The following ANTXR1 variants were observed in gnomAD, a reference collection of about 807,000 sequenced individuals.
ANTXR1 encodes the protein anthrax toxin receptor 1.
Under a neutral mutation model 78.1 loss-of-function variants are expected in ANTXR1, and 19 were observed. That is an observed-to-expected ratio of 0.24 (90% CI 0.17 to 0.36). The LOEUF (loss-of-function observed/expected upper bound fraction) is 0.36. Among genes scored for constraint, ANTXR1 ranks in the 10% least tolerant of loss-of-function variants. ANTXR1 has a pLI of 1.00. For missense variants in ANTXR1, 518 were observed against 718.6 expected (o/e 0.72, Z 3.19); for synonymous variants, 273 against 260.5 (o/e 1.05, Z -0.46).
intron 8 of ANTXR1, among the ~76,000 whole-genome samples, chr2:69,086,040 AAT>A (rs1182599913): frequency 2.6e-5 from 4 of 151,804 alleles, no homozygotes; most frequent in African/African-American, 9.7e-5. Context: ...GACTTTCTGA[AAT>A]ATGTGTGAAA....
At chr2:69,064,901 A>G (rs1346278371) in intron 3 of ANTXR1, among the ~76,000 whole-genome samples, 1 of 152,218 alleles carries the variant, frequency 6.6e-6, no homozygotes, top group Admixed American at 6.5e-5. Context: ...GGGTAAATGT[A>G]TAGCTTTAAG....
intron 17 of ANTXR1, among the ~76,000 whole-genome samples, chr2:69,238,762 T>G (rs528900138): frequency 1.3e-5 from 2 of 152,246 alleles, no homozygotes; most frequent in Non-Finnish European, 2.9e-5. Context: ...AAACTTGGCA[T>G]GTATGTTATA....
intron 13 of ANTXR1, among the ~76,000 whole-genome samples, chr2:69,159,264 C>T (rs1573942243): frequency 6.6e-6 from 1 of 152,050 alleles, no homozygotes; most frequent in African/African-American, 2.4e-5. Context: ...AAGATCTTAG[C>T]ATATTTTGCA....
chr2:69,033,223 T>C (rs1197784666), intron 1 of ANTXR1, among the ~76,000 whole-genome samples: 1 of 152,126 alleles, frequency 6.6e-6, no homozygotes, highest in Admixed American at 6.5e-5. Flanking sequence ...GGGTCTGTAT[T>C]GATGTCTAAA....
chr2:69,177,361 G>C (rs1455360176), intron 14 of ANTXR1, among the ~76,000 whole-genome samples: 1 of 152,186 alleles, frequency 6.6e-6, no homozygotes, highest in Non-Finnish European at 1.5e-5. Flanking sequence ...ACAGCACAGG[G>C]CTAATCCAAT....
chr2:69,115,490 GTATTACTCCCA>G (rs1409976922), intron 10 of ANTXR1, among the ~76,000 whole-genome samples: 4 of 152,156 alleles, frequency 2.6e-5, no homozygotes, highest in Non-Finnish European at 5.9e-5. Context: ...AGCCTATGAA[GTATTACTCCCA>G]TATTATAGAT....
intron 1 of ANTXR1, among the ~76,000 whole-genome samples, chr2:69,026,932 C>T (rs961985649): frequency 6.6e-6 from 1 of 152,172 alleles, no homozygotes; most frequent in Non-Finnish European, 1.5e-5. Context: ...TGACATGCAA[C>T]ACATGCGTTA....
At chr2:69,210,967 G>T (rs1412097247) in intron 17 of ANTXR1, among the ~76,000 whole-genome samples, 1 of 151,592 alleles carries the variant, frequency 6.6e-6, no homozygotes, top group Non-Finnish European at 1.5e-5. Flanking sequence ...GAACCAGATG[G>T]TTGTCACAAA....
chr2:69,102,063 A>G (rs925126907), intron 9 of ANTXR1, among the ~76,000 whole-genome samples: 3 of 152,238 alleles, frequency 2.0e-5, no homozygotes, highest in Non-Finnish European at 4.4e-5. Flanking sequence ...GATCTCTTCT[A>G]TGCAGAGACA....
chr2:69,128,595 G>A (rs1204393552), intron 12 of ANTXR1, among the ~76,000 whole-genome samples: 1 of 152,020 alleles, frequency 6.6e-6, no homozygotes, highest in Non-Finnish European at 1.5e-5. Context: ...CCAGAAAAGG[G>A]GCCTCATATT....
intron 2 of ANTXR1, among the ~76,000 whole-genome samples, chr2:69,040,703 T>G (rs1038709431): frequency 6.6e-6 from 1 of 152,218 alleles, no homozygotes; most frequent in Non-Finnish European, 1.5e-5. Flanking sequence ...ATGGGAGTCT[T>G]GGACTTAGTG....
At chr2:69,146,935 G>T (rs1673246390) in intron 12 of ANTXR1, among the ~76,000 whole-genome samples, 1 of 152,272 alleles carries the variant, frequency 6.6e-6, no homozygotes, top group Non-Finnish European at 1.5e-5. Context: ...GAGTTAGGCT[G>T]TGAGCAGCAG....
chr2:69,089,088 C>A (rs181494863), intron 8 of ANTXR1, among the ~76,000 whole-genome samples: 10 of 152,288 alleles, frequency 6.6e-5, no homozygotes, highest in South Asian at 2.1e-4. Flanking sequence ...GAACTAATTA[C>A]TTCCAACTGC....
intron 3 of ANTXR1, among the ~76,000 whole-genome samples, chr2:69,064,539 G>C (rs370305537): frequency 2.3e-4 from 35 of 152,316 alleles, no homozygotes; most frequent in African/African-American, 8.2e-4. Context: ...GGACCATACA[G>C]TGGGAGGAGT....
intron 1 of ANTXR1, among the ~76,000 whole-genome samples, chr2:69,038,887 A>G (rs993050109): frequency 1.3e-5 from 2 of 152,246 alleles, no homozygotes; most frequent in African/African-American, 2.4e-5. Flanking sequence ...ACACCCGATC[A>G]GAATGAGAAT....
rs530339607 is a variant in ANTXR1 at position 69,189,544 on chromosome 2, A to G, written c.1354-3791A>G. Among the ~76,000 whole-genome samples, 5 of 152,368 alleles carry G rather than the reference A, an allele frequency of 3.3e-5. No individual in the cohort carries two copies. In the East Asian group the frequency reaches 9.6e-4, roughly 29 times the overall value. The stretch of plus-strand genomic sequence containing the variant: ...TTTATTAATCAATAGGAGAGAGGAC[A>G]GGAACCCTGGAGATGAAAGGCCAAT... On this transcript the variant is annotated intron_variant, in intron 16 of 17. Coordinates refer to ENST00000303714, the MANE Select transcript of ANTXR1 (RefSeq NM_032208.3).
intron 13 of ANTXR1, among the ~76,000 whole-genome samples, chr2:69,167,051 A>T (rs1349433024): frequency 6.6e-6 from 1 of 152,104 alleles, no homozygotes; most frequent in East Asian, 1.9e-4. Context: ...CTGAGCGTGG[A>T]GGAGGTAGCG....
chr2:69,096,275 A>G (rs1172385093), intron 9 of ANTXR1, among the ~76,000 whole-genome samples: 1 of 9,338 alleles, frequency 1.1e-4, no homozygotes, highest in African/African-American at 1.6e-3. Context: ...GAAGGAAGGA[A>G]GGAAGGAAGG....
rs192820750 is a variant in ANTXR1, at chr2:69,158,182, A to C, written c.1047+5918A>C. ...CTGGCTCAAAGCTGCTGCTCAGTGT[A>C]TCTCAAAGTTCATTAGCAGCCAAGT... On this transcript the variant is annotated intron_variant, in intron 13 of 17. Transcript: ENST00000303714. Among the ~76,000 whole-genome samples, 233 of 152,348 alleles carry C rather than the reference A, an allele frequency of 1.5e-3. No homozygotes were observed. In the Middle Eastern group the frequency reaches 0.017, roughly 11 times the overall value.
Sources: allele counts gnomAD v4.1 joint callset (sites outside exome capture counted in the v4.1 genomes callset), GRCh38; gene constraint gnomAD v4.1.1; transcripts MANE v1.5; gene names NCBI Gene and HGNC (gene_info 2026-07-23, HGNC 2026-07-21).